The following MALRD1 variants were observed in gnomAD, a reference collection of about 807,000 sequenced individuals.
MALRD1 encodes the protein MAM and LDL-receptor class A domain-containing protein 1.
MALRD1 carries 247 observed loss-of-function variants against 242.1 expected under a neutral mutation model. The ratio of observed to expected loss-of-function variants is 1.02; its 90% confidence interval spans 0.92 to 1.13. The LOEUF is 1.13. MALRD1 is among the 50% of genes most tolerant of loss of function. MALRD1 has a pLI of 0.00. For missense variants in MALRD1, 2,989 were observed against 2,533.1 expected, an observed-to-expected ratio of 1.18 and a Z score of -3.86; for synonymous variants, 995 against 866.6, an observed-to-expected ratio of 1.15 and a Z score of -2.60.
At chr10:19,419,494 G>A (rs1426645384) in intron 28 of MALRD1, among the ~76,000 whole-genome samples, 2 of 151,910 alleles carry the variant, frequency 1.3e-5, no homozygotes, top group Non-Finnish European at 2.9e-5. Flanking sequence ...TTAGAGATGG[G>A]GTTGCACTGT....
intron 29 of MALRD1, among the ~76,000 whole-genome samples, chr10:19,452,310 G>A (rs751890558): frequency 5.3e-5 from 8 of 152,114 alleles, no homozygotes; most frequent in South Asian, 2.1e-4. Flanking sequence ...TCCCTTTTTC[G>A]TAATAGAGTT....
intron 19 of MALRD1, among the ~76,000 whole-genome samples, chr10:19,267,670 T>C (rs182302695): frequency 1.2e-4 from 19 of 152,280 alleles, no homozygotes; most frequent in African/African-American, 4.3e-4. Flanking sequence ...GGCGTATTCA[T>C]TATACTTGTC....
chr10:19,587,081 C>T (rs1045388007), intron 33 of MALRD1, among the ~76,000 whole-genome samples: 4 of 152,216 alleles, frequency 2.6e-5, no homozygotes, highest in Non-Finnish European at 2.9e-5. Flanking sequence ...CGCCCTGCTT[C>T]GGCTCGCGCA....
chr10:19,640,359 G>A (rs1243577325), intron 36 of MALRD1, among the ~76,000 whole-genome samples: 1 of 152,094 alleles, frequency 6.6e-6, no homozygotes, highest in Non-Finnish European at 1.5e-5. Context: ...AAAATGCTGT[G>A]ATTACAGGCA....
chr10:19,217,539 T>C (rs1837373065), intron 18 of MALRD1, among the ~76,000 whole-genome samples: 1 of 130,684 alleles, frequency 7.7e-6, no homozygotes. Context: ...AGTCTTTTTT[T>C]TTTTTTTTTT....
intron 28 of MALRD1, among the ~76,000 whole-genome samples, chr10:19,421,759 C>T (rs972783644): frequency 2.0e-5 from 3 of 152,122 alleles, no homozygotes; most frequent in African/African-American, 4.8e-5. Context: ...TACAATTAAT[C>T]GTCTTTCTCT....
chr10:19,107,693 T>C (rs1383102099), intron 5 of MALRD1, among the ~76,000 whole-genome samples: 1 of 152,006 alleles, frequency 6.6e-6, no homozygotes, highest in African/African-American at 2.4e-5. Flanking sequence ...CTGGTTATTT[T>C]GTAGAAATTT....
chr10:19,715,404 C>T (rs1183022419), intron 38 of MALRD1, among the ~76,000 whole-genome samples: 2 of 150,626 alleles, frequency 1.3e-5, no homozygotes, highest in African/African-American at 4.9e-5. Context: ...TAATATTTAT[C>T]TATATATAAA....
rs1316859269 is a variant in MALRD1, at chr10:19,495,240, G to A, written c.5159-3245G>A. 4.6e-5 allele frequency among the ~76,000 whole-genome samples: 7 copies of A among 151,906 alleles called. 1 individual carries two copies. Among genetic ancestry groups the A allele is most frequent in the African/African-American group, 1.7e-4 (7 of 41,338 alleles). The stretch of plus-strand genomic sequence containing the variant: ...GATCTGCCTGCCTCGGCCTCCCAGA[G>A]TGCCGGGATTACAGGTATGAGCCAC... On this transcript the variant is annotated intron_variant, in intron 30 of 39. Coordinates refer to ENST00000454679, the MANE Select transcript of MALRD1 (RefSeq NM_001142308.3).
chr10:19,576,426 T>C (rs937312890), intron 33 of MALRD1, among the ~76,000 whole-genome samples: 6 of 152,320 alleles, frequency 3.9e-5, no homozygotes, highest in African/African-American at 1.4e-4. Flanking sequence ...GCAACATTTG[T>C]GCCAAATTAT....
chr10:19,701,691 C>A (rs1257210577), intron 38 of MALRD1, among the ~76,000 whole-genome samples: 1 of 134,272 alleles, frequency 7.4e-6, no homozygotes, highest in East Asian at 2.6e-4. Flanking sequence ...TTCCTCCCCT[C>A]CCCTTCCTCT....
At chr10:19,299,351 A>G (rs1378075396) in intron 21 of MALRD1, among the ~76,000 whole-genome samples, 1 of 151,984 alleles carries the variant, frequency 6.6e-6, no homozygotes, top group Non-Finnish European at 1.5e-5. Context: ...TATCAAATAG[A>G]AAACAATAGG....
intron 38 of MALRD1, among the ~76,000 whole-genome samples, chr10:19,729,098 A>G (rs1419754366): frequency 1.3e-5 from 2 of 152,194 alleles, no homozygotes; most frequent in Non-Finnish European, 2.9e-5. Context: ...AATCTATTGT[A>G]TATTTAAGCC....
chr10:19,529,689 A>C (rs1279152901), intron 31 of MALRD1, among the ~76,000 whole-genome samples: 1 of 152,124 alleles, frequency 6.6e-6, no homozygotes, highest in Non-Finnish European at 1.5e-5. Flanking sequence ...GTCAAAATAG[A>C]TGCAAACACA....
chr10:19,590,527 G>A (rs1589277784), intron 33 of MALRD1, among the ~76,000 whole-genome samples: 1 of 151,646 alleles, frequency 6.6e-6, no homozygotes, highest in Non-Finnish European at 1.5e-5. Context: ...CTTAAAGTCA[G>A]CTTCCCAGGG....
intron 38 of MALRD1, among the ~76,000 whole-genome samples, chr10:19,702,525 G>T (rs904568406): frequency 6.6e-6 from 1 of 152,038 alleles, no homozygotes; most frequent in Non-Finnish European, 1.5e-5. Flanking sequence ...TGGTATCTGG[G>T]ATTGTATGCA....
upstream of MALRD1, chr10:19,048,782 G>T (rs1834402506): frequency 4.3e-6 from 2 of 468,468 alleles, no homozygotes; most frequent in African/African-American, 2.0e-5. Context: ...CAAATTAACT[G>T]CCTGGGGAGT....
intron 1 of MALRD1, among the ~76,000 whole-genome samples, chr10:19,057,517 T>C (rs1057149099): frequency 3.3e-5 from 5 of 152,122 alleles, no homozygotes; most frequent in Non-Finnish European, 7.4e-5. Context: ...GGGTTTTAAA[T>C]ATGAATTTGA....
intron 23 of MALRD1, among the ~76,000 whole-genome samples, chr10:19,330,498 A>G (rs970197058): frequency 6.6e-6 from 1 of 152,164 alleles, no homozygotes; most frequent in African/African-American, 2.4e-5. Flanking sequence ...TTCTAAATTT[A>G]TTTTGAAATA....
Sources: allele counts gnomAD v4.1 joint callset (sites outside exome capture counted in the v4.1 genomes callset), GRCh38; gene constraint gnomAD v4.1.1; transcripts MANE v1.5; gene names NCBI Gene and HGNC (gene_info 2026-07-23, HGNC 2026-07-21).